Variants in DRC7 observed in about 807,000 individuals in gnomAD.
DRC7 encodes dynein regulatory complex subunit 7.
In DRC7, 80 loss-of-function variants were observed where a neutral mutation model predicts 104.4. That is an observed-to-expected ratio of 0.77 (90% CI 0.64 to 0.92). The LOEUF (loss-of-function observed/expected upper bound fraction) is 0.92, where lower values mean the gene tolerates loss of function less well. DRC7 is among the 40% of genes least tolerant of loss of function. The probability of loss-of-function intolerance (pLI) is 0.00; values close to 1 mark genes in which losing one functional copy is unlikely to be tolerated. For synonymous variants in DRC7, 405 were observed against 447.3 expected (o/e 0.91, Z 1.19); for missense variants, 1,034 against 1,141.1 (o/e 0.91, Z 1.35).
chr16:57,711,359 G>A (rs1489736681), intron 8 of DRC7, among the ~76,000 whole-genome samples: 1 of 152,222 alleles, frequency 6.6e-6, no homozygotes, highest in Non-Finnish European at 1.5e-5. Flanking sequence ...TGATCAATCT[G>A]GTTAGAGGTT....
At chr16:57,708,072 C>A (rs1339911038) in intron 8 of DRC7, among the ~76,000 whole-genome samples, 3 of 152,168 alleles carry the variant, frequency 2.0e-5, no homozygotes, top group Non-Finnish European at 4.4e-5. Context: ...CCACAAAGTC[C>A]CTTTGCACAA....
chr16:57,721,234 G>A (rs532079517), intron 9 of DRC7, among the ~76,000 whole-genome samples: 51 of 152,170 alleles, frequency 3.4e-4, no homozygotes, highest in Admixed American at 2.2e-3. Flanking sequence ...TAATAATAAT[G>A]TCAGCCAATC....
intron 9 of DRC7, among the ~76,000 whole-genome samples, chr16:57,719,924 A>G (rs1294581021): frequency 6.6e-6 from 1 of 152,220 alleles, no homozygotes; most frequent in African/African-American, 2.4e-5. Context: ...CAAGACAACA[A>G]CAACAACAAA....
intron 8 of DRC7, among the ~76,000 whole-genome samples, chr16:57,711,951 T>A (rs2048795137): frequency 6.6e-6 from 1 of 152,194 alleles, no homozygotes; most frequent in Admixed American, 6.5e-5. Flanking sequence ...CAAGCACTGA[T>A]CTTAGGAGCA....
chr16:57,697,783 G>T (rs1309509575), intron 2 of DRC7, 130 bp from the exon 3 acceptor site: 13 of 969,764 alleles, frequency 1.3e-5, no homozygotes, highest in Non-Finnish European at 1.7e-5. Context: ...GTCAAAGAGG[G>T]AATCACTCCC....
At chr16:57,720,291 A>G (rs370552490) in intron 9 of DRC7, among the ~76,000 whole-genome samples, 11 of 152,196 alleles carry the variant, frequency 7.2e-5, no homozygotes, top group South Asian at 2.1e-4. Context: ...TGGGTTCTCA[A>G]TGGTAACTCT....
chr16:57,702,527 G>A (rs1224259128), intron 6 of DRC7, among the ~76,000 whole-genome samples: 5 of 152,216 alleles, frequency 3.3e-5, no homozygotes, highest in Admixed American at 2.0e-4. Context: ...GGCCAGGTGC[G>A]GTGGCTCATG....
Position 57,698,066 on chromosome 16 carries a change from G to C in DRC7, c.117G>C (p.Lys39Asn), listed in dbSNP as rs148801013. The C allele has an allele frequency of 4.3e-6, 7 of 1,614,060 alleles. No individual in the cohort carries two copies. Among genetic ancestry groups the C allele is most frequent in the Non-Finnish European group, 5.1e-6 (6 of 1,180,042 alleles). The change falls in exon 3 of 19, where the codon AAG (lysine) becomes AAC (asparagine). Residue 39 changes from lysine to asparagine, a missense_variant. Physicochemically the swap from Lys to Asn is moderately conservative, Grantham distance 94. Transcript: ENST00000360716. ...EKMMRPVEVR[K>N]EEITLKQETL... ...TGATGAGGCCAGTTGAGGTGCGGAA[G>C]GAGGAAATCACCTTAAAGCAGGAGA...
chr16:57,716,859 T>C (rs2148758079), intron 8 of DRC7, among the ~76,000 whole-genome samples: 1 of 152,200 alleles, frequency 6.6e-6, no homozygotes, highest in African/African-American at 2.4e-5. Flanking sequence ...GAATGTGAGG[T>C]GCTCCCCACC....
At position 57,724,614 on chromosome 16, in the gene DRC7, G is replaced by A. The variant is rs765598430; in HGVS notation, c.1538-1G>A. The A allele has an allele frequency of 6.2e-7, 1 of 1,605,234 alleles. No homozygotes were observed. Among genetic ancestry groups the A allele is most frequent in the East Asian group, 2.2e-5 (1 of 44,710 alleles). On this transcript the variant is annotated splice_acceptor_variant, in intron 12 of 18. Transcript: ENST00000360716. LOFTEE classifies it high-confidence loss of function. ...CCTCCCAACTCCCGCTCCCCACCCA[G>A]TGCACTCGTACAAGTCCATGCAACC...
intron 7 of DRC7, among the ~76,000 whole-genome samples, chr16:57,706,510 C>G: frequency 6.9e-6 from 1 of 145,066 alleles, no homozygotes; most frequent in Admixed American, 6.8e-5. Context: ...TTCCATCCAT[C>G]CATCCTCCCA....
At position 57,731,275 on chromosome 16, in the gene DRC7, T is replaced by A. The variant is rs1465343196; in HGVS notation, c.*17T>A. On this transcript the variant is annotated 3_prime_UTR_variant, in exon 19 of 19. Transcript: ENST00000360716. ...TTCGCTTGATGTCCCTCCTGGGGCC[T>A]CAGCCAGAGCTGCCAGAGAAAGGAA... The A allele has an allele frequency of 2.5e-6, 4 of 1,601,022 alleles. No homozygotes were observed. In the East Asian group the frequency reaches 8.9e-5, roughly 36 times the overall value.
chr16:57,708,311 G>A (rs895697726), intron 8 of DRC7, among the ~76,000 whole-genome samples: 29 of 152,192 alleles, frequency 1.9e-4, no homozygotes, highest in African/African-American at 6.5e-4. Context: ...GACTTCTAAC[G>A]ACATCCATTA....
chr16:57,726,663 T>A, intron 14 of DRC7, 169 bp from the exon 15 acceptor site: 1 of 562,656 alleles, frequency 1.8e-6, no homozygotes, highest in Non-Finnish European at 3.2e-6. Context: ...CAGTTCCTCT[T>A]TTATTATTAT....
intron 3 of DRC7, 61 bp from the exon 4 acceptor site, chr16:57,698,789 G>T: frequency 6.4e-7 from 1 of 1,553,434 alleles, no homozygotes. Context: ...GCAACTCAGT[G>T]GAACCAGGGC....
At chr16:57,720,650 A>G (rs920284531) in intron 9 of DRC7, among the ~76,000 whole-genome samples, 39 of 152,172 alleles carry the variant, frequency 2.6e-4, no homozygotes, top group Middle Eastern at 3.4e-3. Context: ...GAAAAACCAG[A>G]CCCCGGGTGA....
At chr16:57,724,117 CT>C (rs2048936564) in intron 12 of DRC7, among the ~76,000 whole-genome samples, 1 of 151,976 alleles carries the variant, frequency 6.6e-6, no homozygotes, top group Non-Finnish European at 1.5e-5. Context: ...TGAGACCAGC[CT>C]GGCCAACATG....
intron 6 of DRC7, among the ~76,000 whole-genome samples, chr16:57,704,164 T>A (rs1449030183): frequency 6.6e-6 from 1 of 152,138 alleles, no homozygotes; most frequent in Non-Finnish European, 1.5e-5. Context: ...TTGTCACTTT[T>A]ATGTTACAGA....
In DRC7 at chr16:57,731,395, AG is replaced by A; in HGVS notation, c.*138del. On this transcript the variant is annotated 3_prime_UTR_variant, in exon 19 of 19. Coordinates refer to ENST00000360716, the MANE Select transcript of DRC7 (RefSeq NM_001289162.2). ...CTCACTGCCAGCCCACCTCCCCTAC[AG>A]CCCTGTTTGTTCCTGCTTCTCATGA... 1.6e-6 allele frequency: 1 copy of A among 638,920 alleles called. No homozygotes were observed. The highest frequency in any genetic ancestry group is 2.7e-5 in the East Asian group (1 of 36,392). 39.6% of individuals were successfully genotyped at this position (638,920 alleles called of 1,614,324 possible).
Sources: gnomAD v4.1 joint callset for allele counts (sites outside exome capture counted in the v4.1 genomes callset) on GRCh38, gnomAD v4.1.1 for gene constraint, MANE v1.5 for transcripts, NCBI Gene and HGNC (gene_info 2026-07-23, HGNC 2026-07-21) for gene names.